The following CDKL2 variants were observed in gnomAD, a reference collection of about 807,000 sequenced individuals.
CDKL2 encodes cyclin dependent kinase like 2.
A neutral mutation model predicts 63.9 loss-of-function variants in CDKL2; 64 were observed. The ratio of observed to expected loss-of-function variants is 1.00; its 90% CI spans 0.82 to 1.23. CDKL2 has a LOEUF of 1.23. CDKL2 is among the 50% of genes most tolerant of loss of function. The pLI, the probability that CDKL2 is intolerant of heterozygous loss-of-function variation, is 0.00. For missense variants in CDKL2, 656 were observed against 668.0 expected (o/e 0.98, Z 0.20); for synonymous variants, 211 against 229.2 (o/e 0.92, Z 0.72).
intron 2 of CDKL2, among the ~76,000 whole-genome samples, chr4:75,619,256 T>C (rs910899191): frequency 5.3e-5 from 8 of 152,008 alleles, no homozygotes; most frequent in African/African-American, 1.9e-4. Flanking sequence ...AGGGATATGT[T>C]TAAACTAGCA....
intron 7 of CDKL2, among the ~76,000 whole-genome samples, chr4:75,599,304 G>C (rs1006455309): frequency 1.3e-5 from 2 of 152,116 alleles, no homozygotes; most frequent in African/African-American, 4.8e-5. Context: ...GCTCATGCCT[G>C]TAATCCCAGC....
At chr4:75,615,224 T>C (rs1729879997) in intron 2 of CDKL2, among the ~76,000 whole-genome samples, 1 of 152,170 alleles carries the variant, frequency 6.6e-6, no homozygotes, top group Non-Finnish European at 1.5e-5. Flanking sequence ...TTGTGAATTA[T>C]GGTAAATTCC....
In CDKL2 at chr4:75,630,042, C is replaced by G. The variant is rs1171889452; in HGVS notation, c.-30G>C. ...AAGCTTTAAAACGTACTATACTTAC[C>G]GTTTCTTCAATCCGTTCGCATAGAA... On this transcript the variant is annotated splice_region_variant and 5_prime_UTR_variant, in exon 1 of 14. Coordinates refer to ENST00000307465, the MANE Select transcript of CDKL2 (RefSeq NM_001330724.2). 3 of 150,544 alleles carry G rather than the reference C, an allele frequency of 2.0e-5. No homozygotes were observed. Among genetic ancestry groups the G allele is most frequent in the Non-Finnish European group, 3.0e-5 (2 of 67,672 alleles). 9.3% of individuals were successfully genotyped at this position (150,544 alleles called of 1,614,324 possible).
intron 10 of CDKL2, among the ~76,000 whole-genome samples, chr4:75,595,848 G>C (rs1479349841): frequency 6.6e-6 from 1 of 151,708 alleles, no homozygotes; most frequent in Non-Finnish European, 1.5e-5. Context: ...AGAATCACTT[G>C]AACCCAGGAG....
At chr4:75,595,826 G>A (rs890905362) in intron 10 of CDKL2, among the ~76,000 whole-genome samples, 1 of 151,962 alleles carries the variant, frequency 6.6e-6, no homozygotes, top group African/African-American at 2.4e-5. Context: ...CTACTCAGGA[G>A]GCTGAGGCAG....
chr4:75,596,018 AAG>A, intron 10 of CDKL2: 2 of 54,542 alleles, frequency 3.7e-5, no homozygotes, highest in Non-Finnish European at 6.9e-5. Flanking sequence ...GGAAGGAAGG[AAG>A]GAAGGAAGGA....
At chr4:75,604,876 C>T (rs889587266) in intron 5 of CDKL2, among the ~76,000 whole-genome samples, 2 of 152,228 alleles carry the variant, frequency 1.3e-5, no homozygotes, top group Admixed American at 1.3e-4. Flanking sequence ...TGGCTCACGC[C>T]TGCAATCCCA....
At chr4:75,602,107 A>T (rs1012130660) in intron 6 of CDKL2, among the ~76,000 whole-genome samples, 1 of 152,256 alleles carries the variant, frequency 6.6e-6, no homozygotes, top group African/African-American at 2.4e-5. Context: ...ACAGTGGCTA[A>T]GCAAAAACCC....
chr4:75,596,060 T>C (rs1257725899), intron 10 of CDKL2, 187 bp downstream of exon 10: 7 of 406,668 alleles, frequency 1.7e-5, no homozygotes, highest in Non-Finnish European at 3.0e-5. Context: ...TTTAGACTCA[T>C]AAAACTTAAA....
intron 1 of CDKL2, among the ~76,000 whole-genome samples, chr4:75,629,700 G>A (rs891493361): frequency 6.6e-6 from 1 of 152,154 alleles, no homozygotes; most frequent in African/African-American, 2.4e-5. Context: ...AACACTTTGG[G>A]AGGCCGAGGC....
chr4:75,605,338 A>T (rs888348105), intron 5 of CDKL2, among the ~76,000 whole-genome samples, 184 bp downstream of exon 5: 1 of 148,810 alleles, frequency 6.7e-6, no homozygotes, highest in Non-Finnish European at 1.5e-5. Context: ...GGGCAAGGAG[A>T]GCGAAACTCC....
rs368148985 is a variant in CDKL2, at chr4:75,596,918, A to C, written c.1322+17T>G. The C allele has an allele frequency of 9.5e-6, 15 of 1,582,532 alleles. No homozygotes were observed. The African/African-American group carries it at 1.6e-4, about 17-fold the overall frequency. ...TGTCCTTAAACACTTTTTTGATCTT[A>C]TTTTACTAATTCATACCTGTAACCC... On this transcript the variant is annotated intron_variant, in intron 9 of 13. Coordinates refer to ENST00000307465, the MANE Select transcript of CDKL2 (RefSeq NM_001330724.2).
At chr4:75,608,122 C>CTTTTTT (rs34604898) in intron 3 of CDKL2, among the ~76,000 whole-genome samples, 7 of 88,104 alleles carry the variant, frequency 7.9e-5, no homozygotes, top group Admixed American at 1.7e-4. Flanking sequence ...GGCCAAAAAC[C>CTTTTTT]TTTTTTTTTT....
chr4:75,605,183 A>G (rs1322157100), intron 5 of CDKL2, among the ~76,000 whole-genome samples: 1 of 152,120 alleles, frequency 6.6e-6, no homozygotes, highest in Non-Finnish European at 1.5e-5. Flanking sequence ...GAGAAACGCC[A>G]TCTCTACTAA....
At position 75,597,172 on chromosome 4, in the gene CDKL2, T is replaced by C. The variant is rs1247677156; in HGVS notation, c.1085A>G (p.Asp362Gly). 2.5e-6 allele frequency: 4 copies of C among 1,613,280 alleles called. No individual in the cohort carries two copies. Among genetic ancestry groups the C allele is most frequent in the African/African-American group, 1.3e-5 (1 of 74,906 alleles). Residue 362 changes from aspartate (D) to glycine (G), a missense_variant, in exon 9 of 14, where the codon GAT (aspartate) becomes GGT (glycine). Coordinates refer to ENST00000307465, the MANE Select transcript of CDKL2 (RefSeq NM_001330724.2). ...ATTGCCTTTTTCAGCTTTTTCTCCA[T>C]CAATTTTTGAGCCTTTTATTTTAAA... Reference protein sequence around the residue: ...KLFKIKGSKIDGEKAEKGNRA... With the variant: ...KLFKIKGSKIGGEKAEKGNRA...
rs746366585 is a variant in CDKL2, at chr4:75,596,317, C to T, written c.1346G>A (p.Cys449Tyr). ...GTTCGGTTTAACAAATGGAATAGAA[C>T]ACTTCTTAGTTTTCTCATCCACTCT... The part of the protein sequence containing the change: ...GYRVDEKTKK[C>Y]SIPFVKPNRH... Residue 449 changes from cysteine to tyrosine, a missense_variant, in exon 10 of 14, where the codon TGT becomes TAT. Coordinates refer to ENST00000307465, the MANE Select transcript of CDKL2 (RefSeq NM_001330724.2). The T allele has an allele frequency of 2.5e-6, 4 of 1,609,172 alleles. No individual in the cohort carries two copies. Among genetic ancestry groups the T allele is most frequent in the Non-Finnish European group, 1.7e-6 (2 of 1,175,676 alleles).
chr4:75,598,447 T>G (rs944687090), intron 7 of CDKL2, among the ~76,000 whole-genome samples: 1 of 152,092 alleles, frequency 6.6e-6, no homozygotes, highest in Admixed American at 6.6e-5. Flanking sequence ...AACATAAAGA[T>G]GTTTGTCTTT....
At chr4:75,613,260 A>G (rs760701027) in intron 3 of CDKL2, among the ~76,000 whole-genome samples, 2 of 152,198 alleles carry the variant, frequency 1.3e-5, no homozygotes, top group Non-Finnish European at 2.9e-5. Context: ...TTTTTTATGT[A>G]TGTAAACTTC....
intron 13 of CDKL2, 103 bp from the exon 14 acceptor site, chr4:75,579,281 T>C (rs1728155856): frequency 6.6e-6 from 1 of 152,220 alleles, no homozygotes; most frequent in Non-Finnish European, 1.5e-5. Flanking sequence ...ATTGATAACA[T>C]TGGTGGGTAC....
Sources: allele counts gnomAD v4.1 joint callset (sites outside exome capture counted in the v4.1 genomes callset), GRCh38; gene constraint gnomAD v4.1.1; transcripts MANE v1.5; gene names NCBI Gene and HGNC (gene_info 2026-07-23, HGNC 2026-07-21).